Variants in KAZN observed in about 807,000 individuals in gnomAD.
KAZN encodes kazrin.
A neutral mutation model predicts 87.4 loss-of-function variants in KAZN; 40 were observed. That is an observed-to-expected ratio of 0.46 (90% CI 0.36 to 0.60). The LOEUF (loss-of-function observed/expected upper bound fraction) is 0.60, where lower values mean the gene tolerates loss of function less well. Among genes scored for constraint, KAZN ranks in the 20% least tolerant of loss-of-function variants. The probability of loss-of-function intolerance (pLI) is 0.00; values close to 1 mark genes in which losing one functional copy is unlikely to be tolerated. For missense variants in KAZN, 898 were observed against 1,073.9 expected (o/e 0.84, Z 2.29); for synonymous variants, 466 against 458.3 (o/e 1.02, Z -0.22).
At chr1:14,948,015 GTGATAAGTGCTCAC>G (rs1662035952) in intron 1 of KAZN, among the ~76,000 whole-genome samples, 1 of 152,246 alleles carries the variant, frequency 6.6e-6, no homozygotes, top group South Asian at 2.1e-4. Context: ...AGTCTAAAGA[GTGATAAGTGCTCAC>G]TGCTTGGAAG....
At chr1:13,997,789 A>C (rs572773394) in intron 1 of KAZN, among the ~76,000 whole-genome samples, 122 of 152,268 alleles carry the variant, frequency 8.0e-4, no homozygotes, top group Admixed American at 1.6e-3. Flanking sequence ...AAGCTAGAAA[A>C]CATATTTCAG....
intron 1 of KAZN, among the ~76,000 whole-genome samples, chr1:14,040,048 C>CAT (rs1557426677): frequency 2.0e-5 from 3 of 150,498 alleles, no homozygotes; most frequent in Non-Finnish European, 4.4e-5. Context: ...TGTGTGTGCA[C>CAT]GTGTGTGTGT....
At chr1:14,062,620 C>G (rs775453017) in intron 1 of KAZN, among the ~76,000 whole-genome samples, 14 of 152,062 alleles carry the variant, frequency 9.2e-5, no homozygotes, top group Non-Finnish European at 1.8e-4. Context: ...AAATGATAGC[C>G]TGATGCTAGG....
rs547004022 is a variant in KAZN, at chr1:14,198,469, G to A, written c.249+17877G>A. Among the ~76,000 whole-genome samples the A allele has an allele frequency of 1.2e-3, 175 of 152,166 alleles. 2 individuals are homozygous for A. Among genetic ancestry groups the A allele is most frequent in the Admixed American group, 1.8e-3 (28 of 15,286 alleles). On this transcript the variant is annotated intron_variant, in intron 2 of 16. Coordinates refer to the KAZN transcript ENST00000636203. The stretch of plus-strand genomic sequence containing the variant: ...ATAAAAATTAGCTGGGCATGGTGGC[G>A]CATGCCTGTAATCTCAGCTACTCAG...
In KAZN at chr1:13,971,556, C is replaced by G. The variant is rs145316658; in HGVS notation, c.91+77800C>G. Among the ~76,000 whole-genome samples the G allele has an allele frequency of 1.6e-3, 245 of 152,190 alleles. 1 individual carries two copies. The highest frequency in any genetic ancestry group is 5.8e-3 in the African/African-American group (242 of 41,518). Reference sequence around the variant, plus strand: ...CCAGAACAAAACACAGTGTGCTTCTCCAGTTTAAGGGATGCATATCCACTG... The same window carrying G: ...CCAGAACAAAACACAGTGTGCTTCTGCAGTTTAAGGGATGCATATCCACTG... On this transcript the variant is annotated intron_variant, in intron 1 of 16. Transcript: ENST00000636203.
At chr1:14,419,960 A>G (rs894973123) in intron 2 of KAZN, among the ~76,000 whole-genome samples, 9 of 152,148 alleles carry the variant, frequency 5.9e-5, no homozygotes, top group African/African-American at 2.2e-4. Flanking sequence ...GGAAGGGAAC[A>G]TTAGGGGATT....
At chr1:14,997,517 GGTGTGAGC>G in intron 2 of KAZN, among the ~76,000 whole-genome samples, 2 of 152,238 alleles carry the variant, frequency 1.3e-5, no homozygotes, top group Middle Eastern at 6.8e-3. Flanking sequence ...TGGGATTACA[GGTGTGAGC>G]CACCGCACCT....
At chr1:14,113,345 G>A (rs569382658) in intron 1 of KAZN, among the ~76,000 whole-genome samples, 2 of 152,322 alleles carry the variant, frequency 1.3e-5, no homozygotes, top group African/African-American at 4.8e-5. Context: ...GGATGACTGG[G>A]TGGGAAGAGC....
intron 1 of KAZN, among the ~76,000 whole-genome samples, chr1:14,898,905 C>T (rs1655553800): frequency 6.6e-6 from 1 of 152,138 alleles, no homozygotes; most frequent in South Asian, 2.1e-4. Flanking sequence ...ATGCCAGCAC[C>T]CCGATTACCT....
chr1:14,389,924 G>A (rs1374627862), intron 2 of KAZN, among the ~76,000 whole-genome samples: 1 of 152,210 alleles, frequency 6.6e-6, no homozygotes, highest in Admixed American at 6.5e-5. Context: ...TTACCCTGCT[G>A]TGACCATTAT....
chr1:14,716,868 C>T (rs1355483820), intron 1 of KAZN, among the ~76,000 whole-genome samples: 1 of 152,020 alleles, frequency 6.6e-6, no homozygotes, highest in African/African-American at 2.4e-5. Context: ...GTTTCTATGT[C>T]AGTGTTTGTC....
Position 15,114,555 on chromosome 1 carries a change from T to A in KAZN, c.2248T>A (p.Cys750Ser). 6.2e-7 allele frequency: 1 copy of A among 1,609,236 alleles called. No individual in the cohort carries two copies. The highest frequency in any genetic ancestry group is 8.5e-7 in the Non-Finnish European group (1 of 1,177,808). ...DDYGSLQNED[C>S]GDDDPQSRLE... ...CTATGGCTCTCTTCAAAACGAAGAT[T>A]GCGGAGACGATGACCCCCAGAGCAG... is the stretch of plus-strand genomic sequence containing the variant. The change falls in exon 15 of 15, where the codon TGC becomes AGC. Residue 750 changes from cysteine (C) to serine (S), a missense_variant. Cys to Ser is a moderately radical substitution (Grantham distance 112). Coordinates refer to ENST00000376030, the MANE Select transcript of KAZN (RefSeq NM_201628.3).
intron 1 of KAZN, among the ~76,000 whole-genome samples, chr1:14,002,172 A>G (rs575300454): frequency 6.6e-6 from 1 of 152,332 alleles, no homozygotes; most frequent in Admixed American, 6.5e-5. Flanking sequence ...CAAACAACCC[A>G]GTCAAAAAGT....
intron 2 of KAZN, among the ~76,000 whole-genome samples, chr1:14,292,943 A>G (rs895619874): frequency 7.9e-5 from 12 of 152,212 alleles, no homozygotes; most frequent in Non-Finnish European, 7.3e-5. Context: ...GTACAGTTCA[A>G]TATCATTAGG....
chr1:15,048,844 G>GGGTCGTTGGTCCTT (rs1182131230), intron 4 of KAZN, among the ~76,000 whole-genome samples: 2 of 149,060 alleles, frequency 1.3e-5, no homozygotes, highest in Non-Finnish European at 3.0e-5. Flanking sequence ...CGTTGGTCCT[G>GGGTCGTTGGTCCTT]GGTCGTTGGT....
chr1:14,834,002 C>CACACAT (rs1553141260), intron 1 of KAZN, among the ~76,000 whole-genome samples: 3 of 142,442 alleles, frequency 2.1e-5, no homozygotes, highest in Non-Finnish European at 4.8e-5. Context: ...CACACACACA[C>CACACAT]ACACACATAC....
At chr1:14,546,947 C>G (rs967838646) in intron 2 of KAZN, among the ~76,000 whole-genome samples, 1 of 152,192 alleles carries the variant, frequency 6.6e-6, no homozygotes, top group Non-Finnish European at 1.5e-5. Flanking sequence ...CAGTCCCCTT[C>G]CTGTGCACCT....
chr1:14,004,093 A>T (rs1639931406), intron 1 of KAZN, among the ~76,000 whole-genome samples: 2 of 131,104 alleles, frequency 1.5e-5, no homozygotes, highest in African/African-American at 5.4e-5. Flanking sequence ...AAAAGAGGAT[A>T]TCTAAACTGC....
At chr1:14,776,905 G>A (rs1645188804) in intron 1 of KAZN, among the ~76,000 whole-genome samples, 1 of 138,748 alleles carries the variant, frequency 7.2e-6, no homozygotes, top group Non-Finnish European at 1.5e-5. Flanking sequence ...CTGCCCTCTA[G>A]CCTGAGCAAC....
Sources: gnomAD v4.1 joint callset for allele counts (sites outside exome capture counted in the v4.1 genomes callset) on GRCh38, gnomAD v4.1.1 for gene constraint, MANE v1.5 for transcripts, NCBI Gene and HGNC (gene_info 2026-07-23, HGNC 2026-07-21) for gene names.